Variants in MYH9 observed in about 807,000 individuals in gnomAD.
The protein encoded by MYH9 is myosin heavy chain 9.
A neutral mutation model predicts 241.9 loss-of-function variants in MYH9; 29 were observed. The observed-to-expected ratio is 0.12, with a 90% CI of 0.09 to 0.16. The LOEUF is 0.16. Among genes scored for constraint, MYH9 ranks in the 10% least tolerant of loss-of-function variants. The pLI is 1.00. For synonymous variants in MYH9, 1,047 were observed against 1,062.6 expected, an observed-to-expected ratio of 0.99 and a Z score of 0.29; for missense variants, 1,803 against 2,595.5, an observed-to-expected ratio of 0.69 and a Z score of 6.63.
rs142548258 is a variant in MYH9 at position 36,320,730 on chromosome 22, C to T, written c.868+68G>A. ...GTTTTCATTTCCCAAATGATGTCTA[C>T]GGTCCAATTCTGGCAAGAGGCCCAG... is the stretch of plus-strand genomic sequence containing the variant. On this transcript the variant is annotated intron_variant, in intron 8 of 40. Transcript: ENST00000216181. This position sits in a 1 kb window ranked among gnomAD's most constrained non-coding sequence, Gnocchi z 4.8. The T allele has an allele frequency of 1.7e-5, 23 of 1,350,840 alleles. No individual in the cohort carries two copies. Among genetic ancestry groups the T allele is most frequent in the East Asian group, 6.9e-5 (3 of 43,266 alleles). The allele number at this position is 1,350,840 out of a possible 1,614,324, so 83.7% of individuals were successfully genotyped here. A position where few individuals can be genotyped will look rare whatever the true frequency, so the allele number is the denominator to read the frequency against.
At position 36,313,661 on chromosome 22, in the gene MYH9, GTT is replaced by G. The variant is rs1318734644; in HGVS notation, c.1554+482_1554+483del. Among the ~76,000 whole-genome samples the G allele has an allele frequency of 2.9e-5, 3 of 102,960 alleles. No individual in the cohort carries two copies. The East Asian group carries it at 6.2e-4, about 21-fold the overall frequency. The allele number at this position is 102,960 out of a possible 152,430, so 67.5% of individuals were successfully genotyped here. ...GCGATAAAAGCACTGCTGCTTGCTG[GTT>G]TTATGGGGGGGATGAGCTGAGCTTT... On this transcript the variant is annotated intron_variant, in intron 13 of 40. Coordinates refer to ENST00000216181, the MANE Select transcript of MYH9 (RefSeq NM_002473.6).
Position 36,326,592 on chromosome 22 carries a change from G to T in MYH9, c.588C>A (p.Ser196=). The change falls in exon 5 of 41, where the codon TCC becomes TCA. Residue 196 remains serine (S), a synonymous_variant. Coordinates refer to ENST00000216181, the MANE Select transcript of MYH9 (RefSeq NM_002473.6). The part of the protein sequence containing the change: ...KVIQYLAYVA[S]SHKSKKDQGE... ...CCTGGTCCTTCTTGCTCTTGTGCGAGGACGCCACGTACGCCAGATACTGGA... is the reference window on the plus strand; with the variant it reads ...CCTGGTCCTTCTTGCTCTTGTGCGATGACGCCACGTACGCCAGATACTGGA... 1 of 1,614,244 alleles carries T rather than the reference G, an allele frequency of 6.2e-7. No individual in the cohort carries two copies. The highest frequency in any genetic ancestry group is 8.5e-7 in the Non-Finnish European group (1 of 1,180,044).
intron 11 of MYH9, among the ~76,000 whole-genome samples, chr22:36,317,694 C>T (rs565819984): frequency 3.3e-4 from 50 of 152,352 alleles, no homozygotes; most frequent in African/African-American, 7.9e-4. Context: ...CCGCACTGGG[C>T]GGGACCTCCA....
rs113130911 is a variant in MYH9, at chr22:36,309,337, G to A, written c.1788C>T (p.Ile596=). 3.2e-5 allele frequency: 52 copies of A among 1,614,166 alleles called. No homozygotes were observed. Among genetic ancestry groups the A allele is most frequent in the African/African-American group, 2.8e-4 (21 of 75,040 alleles). Residue 596 remains isoleucine, a synonymous_variant, in exon 15 of 41, where the codon ATC becomes ATT. Coordinates refer to ENST00000216181, the MANE Select transcript of MYH9 (RefSeq NM_002473.6). Reference sequence around the variant, plus strand: ...CAGAGGACTGGTGGAGCAGTGTGGCGATGTTGTCATTCAGGGGATCCATGT... The same window carrying A: ...CAGAGGACTGGTGGAGCAGTGTGGCAATGTTGTCATTCAGGGGATCCATGT... ...MKNMDPLNDN[I]ATLLHQSSDK...
intron 6 of MYH9, 97 bp downstream of exon 6, chr22:36,322,332 G>C: frequency 7.5e-7 from 1 of 1,328,588 alleles, no homozygotes; most frequent in Non-Finnish European, 1.1e-6. Context: ...AACCGTCCTC[G>C]GTTTTGAGGG....
chr22:36,292,051 C>T lies in MYH9; in HGVS notation c.4279G>A (p.Val1427Met). The change falls in exon 31 of 41, where the codon GTG becomes ATG. Residue 1427 changes from valine (V) to methionine (M), a missense_variant. Val to Met is a conservative substitution (Grantham distance 21). This residue lies in a region of MYH9 where 876 missense variants were observed against 1,077.8 expected (regional missense o/e 0.81). Transcript: ENST00000216181. ...RLQQELDDLL[V>M]DLDHQRQSAC... ...CTCTGGCGCTGGTGGTCCAGGTCCA[C>T]CAGCAGGTCGTCCAGCTCCTGCTGC... 6.2e-7 allele frequency: 1 copy of T among 1,614,196 alleles called. No individual in the cohort carries two copies. The highest frequency in any genetic ancestry group is 1.1e-5 in the South Asian group (1 of 91,088).
At chr22:36,325,655 G>A (rs182035699) in intron 5 of MYH9, among the ~76,000 whole-genome samples, 114 of 152,382 alleles carry the variant, frequency 7.5e-4, no homozygotes, top group Admixed American at 2.2e-3. Flanking sequence ...ACCACAGAGC[G>A]TGGAGGGCTC....
intron 19 of MYH9, among the ~76,000 whole-genome samples, chr22:36,303,337 G>A (rs1330006828): frequency 6.6e-6 from 1 of 151,878 alleles, no homozygotes; most frequent in Non-Finnish European, 1.5e-5. Flanking sequence ...CTGCTCCCCT[G>A]GAATCACAGG....
At chr22:36,301,421 TAGAAAACTCCTATAGTAATAGAAACTTCC>T in intron 21 of MYH9, 84 bp downstream of exon 21, 1 of 1,429,706 alleles carries the variant, frequency 7.0e-7, no homozygotes, top group South Asian at 1.2e-5. Flanking sequence ...AACTCAGTTG[TAGAAAACTCCTATAGTAATAGAAACTTCC>T]AGCATGCCGT....
rs369903444 is a variant in MYH9, at chr22:36,305,886, G to A, written c.2159+44C>T. 1.9e-5 allele frequency: 31 copies of A among 1,610,930 alleles called. No individual in the cohort carries two copies. The highest frequency in any genetic ancestry group is 1.6e-4 in the African/African-American group (12 of 74,872). ...AGCCCACCTCTGGGACTCACTGCAC[G>A]CACAGCAGGGCCCAGGAGAAGCGGG... On this transcript the variant is annotated intron_variant, in intron 17 of 40. Coordinates refer to ENST00000216181, the MANE Select transcript of MYH9 (RefSeq NM_002473.6). The surrounding 1 kb of genome is among the most constrained non-coding windows in gnomAD (Gnocchi z 4.7).
intron 1 of MYH9, among the ~76,000 whole-genome samples, chr22:36,369,606 T>C (rs1257581557): frequency 2.6e-5 from 4 of 152,126 alleles, no homozygotes; most frequent in Admixed American, 1.3e-4. Context: ...ACAGGTCTCT[T>C]AGGATGGAAC....
At chr22:36,353,632 G>T (rs946337491) in intron 1 of MYH9, among the ~76,000 whole-genome samples, 5 of 152,154 alleles carry the variant, frequency 3.3e-5, no homozygotes, top group Non-Finnish European at 1.5e-5. Flanking sequence ...GGGATTACAG[G>T]CATGAGCCAC....
intron 13 of MYH9, 112 bp downstream of exon 13, chr22:36,314,033 G>A (rs1161506597): frequency 2.1e-5 from 29 of 1,375,436 alleles, no homozygotes; most frequent in Non-Finnish European, 3.0e-5. Flanking sequence ...GCACCAAAAG[G>A]AAGGGGAGTT....
chr22:36,328,089 C>T (rs1328828821), intron 3 of MYH9, among the ~76,000 whole-genome samples: 1 of 152,218 alleles, frequency 6.6e-6, no homozygotes, highest in Non-Finnish European at 1.5e-5. Context: ...GTGTCCACAA[C>T]ACATGTGAAC....
At chr22:36,291,001 G>A (rs1354747992) in intron 31 of MYH9, among the ~76,000 whole-genome samples, 5 of 150,050 alleles carry the variant, frequency 3.3e-5, no homozygotes, top group Admixed American at 1.3e-4. Context: ...CGGCCACCCC[G>A]TCTGGGAAGT....
At chr22:36,311,587 G>A (rs934232847) in intron 14 of MYH9, among the ~76,000 whole-genome samples, 5 of 152,196 alleles carry the variant, frequency 3.3e-5, no homozygotes, top group African/African-American at 1.2e-4. Flanking sequence ...CATGCCACAT[G>A]TTGGGCCTCA....
rs1367707069 is a variant in MYH9 at position 36,387,927 on chromosome 22, CT to C, written c.-141del. The C allele has an allele frequency of 6.6e-6, 1 of 152,148 alleles. No individual in the cohort carries two copies. Among genetic ancestry groups the C allele is most frequent in the African/African-American group, 2.4e-5 (1 of 41,438 alleles). 9.4% of individuals were successfully genotyped at this position (152,148 alleles called of 1,614,324 possible). On this transcript the variant is annotated 5_prime_UTR_variant, in exon 1 of 41. Transcript: ENST00000216181. The stretch of plus-strand genomic sequence containing the variant: ...CGGGAGCTGCAGCAGGTCAGCCTTG[CT>C]TAGCCTTCCGTGCCCTGCCCAGGAA...
At chr22:36,348,834 A>AGGGGGGGGGGGG in intron 2 of MYH9, 70 bp downstream of exon 2, 15 of 888,344 alleles carry the variant, frequency 1.7e-5, no homozygotes, top group East Asian at 1.0e-4. Context: ...GGGTGATGGG[A>AGGGGGGGGGGGG]AGACCCGCCC....
chr22:36,333,224 C>T (rs761398838), intron 3 of MYH9, among the ~76,000 whole-genome samples: 1 of 152,230 alleles, frequency 6.6e-6, no homozygotes, highest in Non-Finnish European at 1.5e-5. Context: ...ATGAGTCAAA[C>T]GTGCTTGAGA....
Sources: gnomAD v4.1 joint callset for allele counts (sites outside exome capture counted in the v4.1 genomes callset) on GRCh38, gnomAD v4.1.1 for gene constraint, gnomAD v4.1.1 regional missense constraint, Gnocchi (gnomAD v3.1) non-coding constraint, MANE v1.5 for transcripts, NCBI Gene and HGNC (gene_info 2026-07-23, HGNC 2026-07-21) for gene names.